Variants in IL1RAP observed in about 807,000 individuals in gnomAD.
IL1RAP encodes interleukin 1 receptor accessory protein.
IL1RAP carries 35 observed loss-of-function variants against 60.7 expected under a neutral mutation model. The observed-to-expected ratio is 0.58, with a 90% confidence interval of 0.44 to 0.76. The LOEUF is 0.76. Among genes scored for constraint, IL1RAP ranks in the 30% least tolerant of loss-of-function variants. The probability of loss-of-function intolerance (pLI) is 0.00; values close to 1 mark genes in which losing one functional copy is unlikely to be tolerated. For synonymous variants in IL1RAP, 268 were observed against 250.9 expected, an observed-to-expected ratio of 1.07 and a Z score of -0.64; for missense variants, 572 against 693.9, an observed-to-expected ratio of 0.82 and a Z score of 1.97.
intron 9 of IL1RAP, 36 bp downstream of exon 9, chr3:190,629,534 C>T (rs1474638676): frequency 1.3e-6 from 2 of 1,578,456 alleles, no homozygotes; most frequent in Non-Finnish European, 1.7e-6. Context: ...CTCTCAGCTC[C>T]AAATTAACAT....
chr3:190,538,525 G>A (rs1158947882), intron 1 of IL1RAP, among the ~76,000 whole-genome samples: 1 of 152,142 alleles, frequency 6.6e-6, no homozygotes, highest in Non-Finnish European at 1.5e-5. Flanking sequence ...ACTGTGTGTT[G>A]TTGAATAAAA....
intron 1 of IL1RAP, among the ~76,000 whole-genome samples, chr3:190,545,047 A>T (rs190710197): frequency 1.3e-5 from 2 of 152,250 alleles, no homozygotes; most frequent in Admixed American, 6.5e-5. Flanking sequence ...TCTGCATTGT[A>T]TCCATCCTCT....
At chr3:190,647,012 G>A (rs371195544) in intron 11 of IL1RAP, among the ~76,000 whole-genome samples, 3 of 152,078 alleles carry the variant, frequency 2.0e-5, no homozygotes, top group East Asian at 3.8e-4. Context: ...TATCTACCAC[G>A]GAACTGGGTA....
At chr3:190,610,581 T>G (rs879261940) in intron 5 of IL1RAP, among the ~76,000 whole-genome samples, 3 of 151,892 alleles carry the variant, frequency 2.0e-5, no homozygotes, top group Non-Finnish European at 4.4e-5. Context: ...AAGTAGACAG[T>G]GAGGATTACC....
chr3:190,655,757 A>ATCGCCGT, downstream of IL1RAP: 1 of 685,630 alleles, frequency 1.5e-6, no homozygotes, highest in Non-Finnish European at 2.4e-6. Flanking sequence ...TGACTGGGTA[A>ATCGCCGT]ATTATTCAGC....
chr3:190,540,531 G>A (rs1225700043), intron 1 of IL1RAP, among the ~76,000 whole-genome samples: 2 of 150,518 alleles, frequency 1.3e-5, no homozygotes, highest in East Asian at 3.9e-4. Flanking sequence ...TTTAAACTTT[G>A]TATTTTCTTT....
chr3:190,631,751 G>A (rs527831744), intron 9 of IL1RAP, among the ~76,000 whole-genome samples: 28 of 152,234 alleles, frequency 1.8e-4, no homozygotes, highest in African/African-American at 6.0e-4. Flanking sequence ...TTAAAGCTAA[G>A]TATTAAAGAG....
chr3:190,603,982 A>G, intron 3 of IL1RAP, 146 bp from the exon 4 acceptor site: 2 of 703,212 alleles, frequency 2.8e-6, no homozygotes, highest in Non-Finnish European at 4.7e-6. Context: ...TGCCTACTGT[A>G]TGCAATTATT....
chr3:190,598,941 A>G (rs1729616621), intron 3 of IL1RAP, among the ~76,000 whole-genome samples: 1 of 152,208 alleles, frequency 6.6e-6, no homozygotes, highest in African/African-American at 2.4e-5. Flanking sequence ...GAAGTTATTA[A>G]CTGCATTGCT....
At chr3:190,644,526 C>G (rs1733875314) in intron 10 of IL1RAP, 129 bp downstream of exon 10, 1 of 710,518 alleles carries the variant, frequency 1.4e-6, no homozygotes, top group African/African-American at 1.8e-5. Flanking sequence ...AGCAGATTAA[C>G]TTTAATTTCA....
At chr3:190,569,625 A>G (rs1241584869) in intron 3 of IL1RAP, among the ~76,000 whole-genome samples, 3 of 151,422 alleles carry the variant, frequency 2.0e-5, no homozygotes, top group Non-Finnish European at 4.4e-5. Context: ...CTTGAAGCAC[A>G]CTTATATTTT....
At chr3:190,605,196 G>C (rs1394276084) in intron 4 of IL1RAP, among the ~76,000 whole-genome samples, 1 of 151,988 alleles carries the variant, frequency 6.6e-6, no homozygotes, top group Non-Finnish European at 1.5e-5. Flanking sequence ...GCAATCTAAG[G>C]ATATAATCCA....
At chr3:190,620,115 G>T (rs183502671) in intron 5 of IL1RAP, among the ~76,000 whole-genome samples, 160 bp from the exon 6 acceptor site, 122 of 152,144 alleles carry the variant, frequency 8.0e-4, no homozygotes, top group Admixed American at 2.4e-3. Flanking sequence ...TTTATTCTTC[G>T]CAGAAATCTT....
chr3:190,642,580 G>A (rs1476267509), intron 9 of IL1RAP: 1 of 152,168 alleles, frequency 6.6e-6, no homozygotes, highest in Non-Finnish European at 1.5e-5. Flanking sequence ...TGTTCTAGGT[G>A]CTTACAGAAG....
chr3:190,533,160 C>T (rs780150869), intron 1 of IL1RAP, among the ~76,000 whole-genome samples: 1 of 152,050 alleles, frequency 6.6e-6, no homozygotes. Context: ...CAACATGGCT[C>T]GAAAGACTTC....
At chr3:190,620,505 G>C in intron 6 of IL1RAP, 65 bp downstream of exon 6, 1 of 1,354,522 alleles carries the variant, frequency 7.4e-7, no homozygotes, top group East Asian at 2.3e-5. Flanking sequence ...GTTTTTAATA[G>C]TTTATTACAC....
At chr3:190,519,077 A>G (rs991307260) in intron 1 of IL1RAP, 1 of 152,238 alleles carries the variant, frequency 6.6e-6, no homozygotes, top group African/African-American at 2.4e-5. Flanking sequence ...TCATCCCGGT[A>G]CTACCTTGCC....
rs753390732 is a variant in IL1RAP, at chr3:190,590,162, A to T, written c.65-13966A>T. On this transcript the variant is annotated intron_variant, in intron 3 of 11. Coordinates refer to ENST00000447382, the MANE Select transcript of IL1RAP (RefSeq NM_002182.4). The stretch of plus-strand genomic sequence containing the variant: ...CTTATTTACCGCTAACAACAGCTCT[A>T]TGGGATTGGCACTGATTAACTTCAT... Among the ~76,000 whole-genome samples, 13 of 152,032 alleles carry T rather than the reference A, an allele frequency of 8.6e-5. No individual in the cohort carries two copies. The Middle Eastern group carries it at 0.01, about 123-fold the overall frequency.
At position 190,650,243 on chromosome 3, in the gene IL1RAP, TA is replaced by T; in HGVS notation, c.*1539del. 1.0e-6 allele frequency: 1 copy of T among 985,080 alleles called. No individual in the cohort carries two copies. The highest frequency in any genetic ancestry group is 1.2e-6 in the Non-Finnish European group (1 of 829,596). The allele number at this position is 985,080 out of a possible 1,614,324, so 61.0% of individuals were successfully genotyped here. A position where few individuals can be genotyped will look rare whatever the true frequency, so the allele number is the denominator to read the frequency against. ...TGTTAATTCACAGCTCACAGAGTGA[TA>T]GTTGTCATAGTTCTTGCCTTCCCTA... On this transcript the variant is annotated 3_prime_UTR_variant, in exon 12 of 12. Transcript: ENST00000447382.
Sources: allele counts gnomAD v4.1 joint callset (sites outside exome capture counted in the v4.1 genomes callset), GRCh38; gene constraint gnomAD v4.1.1; transcripts MANE v1.5; gene names NCBI Gene and HGNC (gene_info 2026-07-23, HGNC 2026-07-21).